The following PLEKHM3 variants were observed in gnomAD, a reference collection of about 807,000 sequenced individuals.
PLEKHM3 encodes the protein pleckstrin homology domain-containing family M member 3.
PLEKHM3 carries 45 observed loss-of-function variants against 81.8 expected under a neutral mutation model. The observed-to-expected ratio is 0.55, with a 90% CI of 0.43 to 0.71. The LOEUF (loss-of-function observed/expected upper bound fraction) is 0.71, where lower values mean the gene tolerates loss of function less well. PLEKHM3 is among the 30% of genes least tolerant of loss of function. The pLI, the probability that PLEKHM3 is intolerant of heterozygous loss-of-function variation, is 0.00. For missense variants in PLEKHM3, 788 were observed against 924.3 expected (o/e 0.85, Z 1.91); for synonymous variants, 352 against 356.4 (o/e 0.99, Z 0.14).
Position 207,824,021 on chromosome 2 carries a change from G to T in PLEKHM3, c.*4298C>A, listed in dbSNP as rs1460885674. The T allele has an allele frequency of 6.6e-6, 1 of 152,208 alleles. No homozygotes were observed. The highest frequency in any genetic ancestry group is 6.5e-5 in the Admixed American group (1 of 15,286). 9.4% of individuals were successfully genotyped at this position (152,208 alleles called of 1,614,324 possible). A position where few individuals can be genotyped will look rare whatever the true frequency, so the allele number is the denominator to read the frequency against. ...TGTCTGTTTACATTAACCGAGCAGA[G>T]CTTAGTCACCCATCACTGGATTCGA... On this transcript the variant is annotated 3_prime_UTR_variant, in exon 8 of 8. Coordinates refer to ENST00000427836, the MANE Select transcript of PLEKHM3 (RefSeq NM_001080475.3).
At chr2:207,960,766 A>G (rs1379885051) in intron 3 of PLEKHM3, among the ~76,000 whole-genome samples, 1 of 152,200 alleles carries the variant, frequency 6.6e-6, no homozygotes, top group Non-Finnish European at 1.5e-5. Flanking sequence ...TAGCATTATC[A>G]GGAAACTTTT....
chr2:207,910,733 G>A (rs547480943), intron 5 of PLEKHM3, among the ~76,000 whole-genome samples: 7 of 152,232 alleles, frequency 4.6e-5, no homozygotes, highest in African/African-American at 1.4e-4. Flanking sequence ...AGCCACTGAT[G>A]CTTTTTGAAG....
intron 7 of PLEKHM3, among the ~76,000 whole-genome samples, chr2:207,841,691 C>T (rs2092355149): frequency 2.6e-5 from 4 of 151,260 alleles, no homozygotes; most frequent in African/African-American, 9.7e-5. Flanking sequence ...TTTTGTTCCA[C>T]CAATTTGCTA....
At position 207,869,296 on chromosome 2, in the gene PLEKHM3, T is replaced by C. The variant is rs373777286; in HGVS notation, c.1951-8034A>G. Reference sequence around the variant, plus strand: ...TCTCTATTTATTCCCTCAAAGGGCATGTCTACGTGAACAAAATCATGACAG... The same window carrying C: ...TCTCTATTTATTCCCTCAAAGGGCACGTCTACGTGAACAAAATCATGACAG... On this transcript the variant is annotated intron_variant, in intron 6 of 7. Transcript: ENST00000427836. Among the ~76,000 whole-genome samples the C allele has an allele frequency of 6.5e-4, 99 of 152,320 alleles. 1 individual carries two copies. Among genetic ancestry groups the C allele is most frequent in the African/African-American group, 1.9e-3 (80 of 41,558 alleles).
intron 2 of PLEKHM3, among the ~76,000 whole-genome samples, chr2:207,998,611 C>A (rs1460063727): frequency 1.3e-5 from 2 of 152,188 alleles, no homozygotes; most frequent in Non-Finnish European, 2.9e-5. Context: ...AACTACCACT[C>A]AGTTCTCATA....
intron 6 of PLEKHM3, among the ~76,000 whole-genome samples, chr2:207,877,150 C>A (rs796987221): frequency 3.9e-5 from 6 of 152,200 alleles, no homozygotes; most frequent in African/African-American, 1.4e-4. Context: ...AGATTAGTTT[C>A]AAAAAGAAAA....
intron 2 of PLEKHM3, among the ~76,000 whole-genome samples, chr2:207,981,724 A>G (rs1691530999): frequency 6.6e-6 from 1 of 152,192 alleles, no homozygotes. Context: ...TTAATTTACC[A>G]TAGTTCACTT....
chr2:207,978,645 T>C (rs1691408023), intron 2 of PLEKHM3, among the ~76,000 whole-genome samples: 1 of 152,150 alleles, frequency 6.6e-6, no homozygotes, highest in African/African-American at 2.4e-5. Flanking sequence ...TCTGCTTAGA[T>C]GGCCGTTTTC....
intron 7 of PLEKHM3, among the ~76,000 whole-genome samples, chr2:207,853,036 T>A (rs937495514): frequency 4.6e-5 from 7 of 152,182 alleles, no homozygotes; most frequent in Non-Finnish European, 8.8e-5. Flanking sequence ...CCTACTGGCC[T>A]GTCTGTCCCT....
intron 7 of PLEKHM3, among the ~76,000 whole-genome samples, chr2:207,829,894 G>T (rs556584037): frequency 6.6e-6 from 1 of 152,220 alleles, no homozygotes; most frequent in Admixed American, 6.5e-5. Flanking sequence ...TTATCTCCTA[G>T]TCTGCCACTG....
intron 5 of PLEKHM3, among the ~76,000 whole-genome samples, chr2:207,910,712 T>G (rs1211818661): frequency 6.6e-6 from 1 of 152,128 alleles, no homozygotes; most frequent in African/African-American, 2.4e-5. Context: ...TTTAGGCCGG[T>G]AGCAGTATAG....
chr2:207,983,372 A>G (rs956877886), intron 2 of PLEKHM3, among the ~76,000 whole-genome samples: 3 of 152,140 alleles, frequency 2.0e-5, no homozygotes, highest in African/African-American at 7.2e-5. Context: ...TTTTTATGGC[A>G]TGGGGGATTA....
chr2:207,953,861 G>A (rs1245045552), intron 3 of PLEKHM3, among the ~76,000 whole-genome samples: 1 of 151,496 alleles, frequency 6.6e-6, no homozygotes, highest in African/African-American at 2.4e-5. Flanking sequence ...CCACTGCACA[G>A]AGAGCTGACA....
intron 6 of PLEKHM3, among the ~76,000 whole-genome samples, chr2:207,874,162 A>G (rs1266870755): frequency 6.6e-6 from 1 of 152,304 alleles, no homozygotes. Flanking sequence ...ATTCAAATAC[A>G]TGGGAATTTG....
intron 1 of PLEKHM3, among the ~76,000 whole-genome samples, chr2:208,012,541 A>C (rs568349431): frequency 1.3e-5 from 2 of 152,380 alleles, no homozygotes; most frequent in South Asian, 4.1e-4. Flanking sequence ...GAAGGACCAT[A>C]AACAAGGAGT....
intron 4 of PLEKHM3, among the ~76,000 whole-genome samples, chr2:207,936,873 G>A (rs1173353789): frequency 6.6e-6 from 1 of 151,694 alleles, no homozygotes; most frequent in African/African-American, 2.4e-5. Context: ...GTGTGTGTGT[G>A]TGTGTGTGTA....
intron 1 of PLEKHM3, among the ~76,000 whole-genome samples, chr2:208,008,151 T>C (rs998450256): frequency 6.6e-6 from 1 of 151,978 alleles, no homozygotes; most frequent in Admixed American, 6.6e-5. Context: ...GGCAAGAGGA[T>C]CCCTTGAGCC....
chr2:207,855,109 C>T (rs1207724870), intron 7 of PLEKHM3, among the ~76,000 whole-genome samples: 1 of 152,094 alleles, frequency 6.6e-6, no homozygotes, highest in Non-Finnish European at 1.5e-5. Flanking sequence ...ACAAAAGAAA[C>T]CAAGGCTCCC....
chr2:207,835,026 T>C (rs7589386), intron 7 of PLEKHM3, among the ~76,000 whole-genome samples: 99,397 of 150,824 alleles, frequency 0.66, 33,224 homozygotes, highest in African/African-American at 0.75. Context: ...CTGCAACCTC[T>C]GCCTTCCGGT....
Sources: allele counts gnomAD v4.1 joint callset (sites outside exome capture counted in the v4.1 genomes callset), GRCh38; gene constraint gnomAD v4.1.1; transcripts MANE v1.5; gene names NCBI Gene and HGNC (gene_info 2026-07-23, HGNC 2026-07-21).